The following DENND1A variants were observed in gnomAD, a reference collection of about 807,000 sequenced individuals.
DENND1A encodes DENN domain containing 1A.
Under a neutral mutation model 113.7 loss-of-function variants are expected in DENND1A, and 51 were observed. The observed-to-expected ratio is 0.45, with a 90% CI of 0.36 to 0.57. DENND1A has a LOEUF of 0.57. Ranked by LOEUF, DENND1A falls within the 20% of genes least tolerant of loss-of-function variation. The pLI is 0.00. For missense variants in DENND1A, 1,258 were observed against 1,395.9 expected (o/e 0.90, Z 1.57); for synonymous variants, 565 against 570.8 (o/e 0.99, Z 0.14).
Position 123,923,123 on chromosome 9 carries a change from G to A in DENND1A, c.17+6766C>T, listed in dbSNP as rs116890064. 3.3e-3 allele frequency among the ~76,000 whole-genome samples: 510 copies of A among 152,316 alleles called. 2 individuals carry two copies. The highest frequency in any genetic ancestry group is 0.01 in the Middle Eastern group (3 of 294). On this transcript the variant is annotated intron_variant, in intron 1 of 23. Transcript: ENST00000394215. ...CTTTGCAACTGCAACCGGAACTCCA[G>A]CCAGGAACTTACACAGATTTAATAA...
At chr9:123,549,345 G>C (rs1241169024) in intron 13 of DENND1A, among the ~76,000 whole-genome samples, 1 of 152,168 alleles carries the variant, frequency 6.6e-6, no homozygotes, top group African/African-American at 2.4e-5. Context: ...TGGGGGCACA[G>C]ACAAATTAGT....
intron 13 of DENND1A, among the ~76,000 whole-genome samples, chr9:123,460,055 G>T (rs1329960713): frequency 1.3e-5 from 2 of 152,194 alleles, no homozygotes; most frequent in Non-Finnish European, 2.9e-5. Context: ...GAAAAAAGTA[G>T]CTGGGTATGT....
At chr9:123,600,074 A>C (rs1297477529) in intron 11 of DENND1A, among the ~76,000 whole-genome samples, 1 of 152,152 alleles carries the variant, frequency 6.6e-6, no homozygotes, top group Non-Finnish European at 1.5e-5. Context: ...AATCACTTGC[A>C]AGGAGTTTAT....
At chr9:123,927,210 C>G (rs2134237571) in intron 1 of DENND1A, among the ~76,000 whole-genome samples, 1 of 152,340 alleles carries the variant, frequency 6.6e-6, no homozygotes, top group South Asian at 2.1e-4. Context: ...AACACGAAAT[C>G]TCAACACCTG....
intron 9 of DENND1A, among the ~76,000 whole-genome samples, chr9:123,633,396 A>G (rs1279939581): frequency 2.0e-5 from 3 of 151,992 alleles, no homozygotes; most frequent in African/African-American, 7.3e-5. Context: ...ATATACTCAC[A>G]GTACAAAGAC....
intron 15 of DENND1A, among the ~76,000 whole-genome samples, chr9:123,455,110 C>T (rs972841004): frequency 6.6e-6 from 1 of 152,220 alleles, no homozygotes; most frequent in African/African-American, 2.4e-5. Flanking sequence ...TCGTGAGCCA[C>T]CACGCTTGGC....
intron 1 of DENND1A, among the ~76,000 whole-genome samples, chr9:123,880,818 C>G (rs966415793): frequency 2.6e-5 from 4 of 152,134 alleles, no homozygotes; most frequent in Non-Finnish European, 2.9e-5. Context: ...TGTTTCCCCC[C>G]ACGTTTTCAT....
chr9:123,685,103 A>G (rs1253830634), intron 5 of DENND1A, among the ~76,000 whole-genome samples: 1 of 152,222 alleles, frequency 6.6e-6, no homozygotes, highest in African/African-American at 2.4e-5. Flanking sequence ...TGAAATGGGA[A>G]TATCTACCCT....
chr9:123,855,736 G>A (rs1844068354), intron 2 of DENND1A, among the ~76,000 whole-genome samples: 1 of 152,150 alleles, frequency 6.6e-6, no homozygotes, highest in Non-Finnish European at 1.5e-5. Context: ...TAAGACTCCA[G>A]CTAAGGAAAC....
chr9:123,721,009 G>A (rs1450610634), intron 5 of DENND1A, among the ~76,000 whole-genome samples: 2 of 152,152 alleles, frequency 1.3e-5, no homozygotes, highest in Non-Finnish European at 2.9e-5. Flanking sequence ...GTCTGACCCA[G>A]AACTGTCTTC....
At chr9:123,386,069 C>T (rs779165291) in intron 22 of DENND1A, among the ~76,000 whole-genome samples, 3 of 152,144 alleles carry the variant, frequency 2.0e-5, no homozygotes, top group Non-Finnish European at 2.9e-5. Flanking sequence ...AGTTCAGAGA[C>T]GATATGATGG....
chr9:123,896,936 T>C (rs921887868), intron 1 of DENND1A, among the ~76,000 whole-genome samples: 4 of 152,264 alleles, frequency 2.6e-5, no homozygotes, highest in Non-Finnish European at 5.9e-5. Context: ...CTGTTTTTAA[T>C]ACTCTAGCTA....
intron 5 of DENND1A, among the ~76,000 whole-genome samples, chr9:123,724,058 C>A (rs541717535): frequency 6.6e-6 from 1 of 152,276 alleles, no homozygotes; most frequent in Non-Finnish European, 1.5e-5. Flanking sequence ...AGAAGAACAT[C>A]CAAATTTCCC....
rs964163888 is a variant in DENND1A at position 123,900,556 on chromosome 9, G to A, written c.18-21535C>T. 5.3e-5 allele frequency among the ~76,000 whole-genome samples: 8 copies of A among 151,976 alleles called. No homozygotes were observed. The South Asian group carries it at 6.2e-4, about 12-fold the overall frequency. On this transcript the variant is annotated intron_variant, in intron 1 of 23. Coordinates refer to ENST00000394215, the MANE Select transcript of DENND1A (RefSeq NM_001352964.2). ...TAAAGAATGAGCAGAAGTTAAACAAGGGAATCTACACGTGTGATTAAGGTG... is the reference window on the plus strand; with the variant it reads ...TAAAGAATGAGCAGAAGTTAAACAAAGGAATCTACACGTGTGATTAAGGTG...
chr9:123,873,814 C>T (rs933833595), intron 2 of DENND1A, among the ~76,000 whole-genome samples: 3 of 151,942 alleles, frequency 2.0e-5, no homozygotes, highest in Non-Finnish European at 4.4e-5. Flanking sequence ...ACAATCTCAG[C>T]TCACTGCAAG....
In DENND1A at chr9:123,920,565, G is replaced by GT. The variant is rs530082911; in HGVS notation, c.17+9323dup. On this transcript the variant is annotated intron_variant, in intron 1 of 23. Coordinates refer to ENST00000394215, the MANE Select transcript of DENND1A (RefSeq NM_001352964.2). ...TTTATGATAAAGGGAACATTAAGTG[G>GT]TTTTTTTACTTCAAGACAGGGTCTT... Among the ~76,000 whole-genome samples, 348 of 152,062 alleles carry GT rather than the reference G, an allele frequency of 2.3e-3. 3 individuals carry two copies. The highest frequency in any genetic ancestry group is 7.7e-3 in the African/African-American group (321 of 41,482).
intron 11 of DENND1A, 41 bp downstream of exon 11, chr9:123,609,395 C>T: frequency 6.2e-7 from 1 of 1,606,862 alleles, no homozygotes; most frequent in Non-Finnish European, 8.5e-7. Context: ...TGAAACAAAG[C>T]CCCAGGTAGA....
chr9:123,605,366 G>A (rs2060109237), intron 11 of DENND1A, among the ~76,000 whole-genome samples: 1 of 152,188 alleles, frequency 6.6e-6, no homozygotes, highest in Non-Finnish European at 1.5e-5. Context: ...CCTGGCACCT[G>A]CTACCAGAGA....
At chr9:123,640,491 C>A (rs62579201) in intron 9 of DENND1A, among the ~76,000 whole-genome samples, 3 of 152,326 alleles carry the variant, frequency 2.0e-5, no homozygotes, top group South Asian at 4.1e-4. Flanking sequence ...GTGGTCCGTA[C>A]GCAAAACCTC....
Sources: allele counts gnomAD v4.1 joint callset (sites outside exome capture counted in the v4.1 genomes callset), GRCh38; gene constraint gnomAD v4.1.1; transcripts MANE v1.5; gene names NCBI Gene and HGNC (gene_info 2026-07-23, HGNC 2026-07-21).